The following KIAA2012 variants were observed in gnomAD, a reference collection of about 807,000 sequenced individuals.
KIAA2012 encodes the protein KIAA2012, also known as uncharacterized protein KIAA2012.
A neutral mutation model predicts 150.6 loss-of-function variants in KIAA2012; 125 were observed. That is an observed-to-expected ratio of 0.83 (90% CI 0.72 to 0.96). The LOEUF (loss-of-function observed/expected upper bound fraction) is 0.96. KIAA2012 is among the 40% of genes least tolerant of loss of function. The pLI is 0.00. For synonymous variants in KIAA2012, 462 were observed against 504.7 expected (o/e 0.92, Z 1.13); for missense variants, 1,219 against 1,354.9 (o/e 0.90, Z 1.57).
chr2:202,078,155 CA>C (rs1167970348), intron 2 of KIAA2012, among the ~76,000 whole-genome samples: 2 of 152,136 alleles, frequency 1.3e-5, no homozygotes, highest in Non-Finnish European at 2.9e-5. Flanking sequence ...TATTACTAGG[CA>C]AAACACTGAA....
intron 4 of KIAA2012, among the ~76,000 whole-genome samples, chr2:202,096,784 A>G (rs1689894340): frequency 6.6e-6 from 1 of 152,178 alleles, no homozygotes; most frequent in Admixed American, 6.5e-5. Flanking sequence ...CAATAAATCT[A>G]CCTTGAGAAA....
chr2:202,162,601 T>A (rs1366274846), intron 14 of KIAA2012, among the ~76,000 whole-genome samples: 1 of 149,800 alleles, frequency 6.7e-6, no homozygotes, highest in Admixed American at 6.7e-5. Flanking sequence ...TTTTTTTTTT[T>A]ACTTACTACA....
intron 11 of KIAA2012, 51 bp from the exon 12 acceptor site, chr2:202,125,163 T>G: frequency 2.1e-6 from 3 of 1,441,614 alleles, no homozygotes; most frequent in Non-Finnish European, 2.9e-6. Flanking sequence ...GGGAATAAAT[T>G]TTTACAAGAC....
chr2:202,151,037 G>A (rs1203698935), intron 13 of KIAA2012, among the ~76,000 whole-genome samples: 2 of 152,148 alleles, frequency 1.3e-5, no homozygotes, highest in Non-Finnish European at 1.5e-5. Flanking sequence ...GAAGACTGGG[G>A]CAGACAGGCC....
intron 14 of KIAA2012, among the ~76,000 whole-genome samples, chr2:202,157,693 CAGTT>C (rs901228372): frequency 5.5e-4 from 83 of 152,180 alleles, no homozygotes; most frequent in Non-Finnish European, 1.3e-4. Context: ...GAATGTCACA[CAGTT>C]GGTAAATGGC....
rs1202818706 is a variant in KIAA2012 at position 202,133,128 on chromosome 2, A to AT, written c.1832-5303dup. The stretch of plus-strand genomic sequence containing the variant: ...AAAAAAAATATATATATATATATAT[A>AT]TATTTTTTTTTTTTCTGGAGAATGG... On this transcript the variant is annotated intron_variant, in intron 12 of 23. Coordinates refer to ENST00000498697, the MANE Select transcript of KIAA2012 (RefSeq NM_001277372.4). Among the ~76,000 whole-genome samples the AT allele has an allele frequency of 3.0e-3, 228 of 76,684 alleles. 10 individuals carry two copies. The highest frequency in any genetic ancestry group is 0.013 in the Middle Eastern group (2 of 156). The allele number at this position is 76,684 out of a possible 152,430, so 50.3% of individuals were successfully genotyped here.
intron 22 of KIAA2012, among the ~76,000 whole-genome samples, chr2:202,198,483 G>T (rs1253911254): frequency 6.6e-6 from 1 of 152,160 alleles, no homozygotes; most frequent in Admixed American, 6.5e-5. Flanking sequence ...CTAACATGAG[G>T]GCCTTGTTAG....
chr2:202,084,782 A>G (rs1395449015), intron 2 of KIAA2012, among the ~76,000 whole-genome samples: 1 of 152,216 alleles, frequency 6.6e-6, no homozygotes, highest in African/African-American at 2.4e-5. Context: ...AATTTTTAAC[A>G]TGTTTTCTAT....
chr2:202,147,565 G>A (rs191130042), intron 13 of KIAA2012, among the ~76,000 whole-genome samples: 24 of 152,312 alleles, frequency 1.6e-4, no homozygotes, highest in East Asian at 7.7e-4. Flanking sequence ...CTGCTGTCAC[G>A]CATGACCAGG....
At chr2:202,169,339 A>ATGT (rs150943605) in intron 15 of KIAA2012, among the ~76,000 whole-genome samples, 73 of 152,334 alleles carry the variant, frequency 4.8e-4, no homozygotes, top group Non-Finnish European at 9.6e-4. Context: ...TGCAGGCATG[A>ATGT]TGTTCACTGT....
In KIAA2012 at chr2:202,122,098, G is replaced by A. The variant is rs1690667193; in HGVS notation, c.1763-3116G>A. 2.0e-5 allele frequency among the ~76,000 whole-genome samples: 3 copies of A among 152,240 alleles called. No homozygotes were observed. In the South Asian group the frequency reaches 6.2e-4, roughly 32 times the overall value. ...TGTGGAGGGGCTTCATGCTGGGGGT[G>A]AGGAGGAGCTGGGCCTGAAAGGCAG... On this transcript the variant is annotated intron_variant, in intron 11 of 23. Transcript: ENST00000498697.
At chr2:202,185,825 TA>T (rs919270061) in intron 16 of KIAA2012, among the ~76,000 whole-genome samples, 1 of 152,134 alleles carries the variant, frequency 6.6e-6, no homozygotes, top group African/African-American at 2.4e-5. Context: ...TTCCAAGCAC[TA>T]AATTCTAAAG....
Position 202,187,064 on chromosome 2 carries a change from T to C in KIAA2012, c.2342T>C (p.Leu781Pro). 6.4e-7 allele frequency: 1 copy of C among 1,550,564 alleles called. No homozygotes were observed. Among genetic ancestry groups the C allele is most frequent in the Non-Finnish European group, 8.7e-7 (1 of 1,146,978 alleles). ...REREGKAEPRLFSQETSANIS... is the reference protein window; with the variant it reads ...REREGKAEPRPFSQETSANIS... ...AGAGAAGGGAAGGCTGAACCAAGAC[T>C]GTTTAGCCAGGAGACATCAGCCAAC... Residue 781 changes from leucine (L) to proline (P), a missense_variant, in exon 17 of 24, where the codon CTG becomes CCG. Leu to Pro is a moderately conservative substitution (Grantham distance 98). Coordinates refer to ENST00000498697, the MANE Select transcript of KIAA2012 (RefSeq NM_001277372.4).
intron 13 of KIAA2012, among the ~76,000 whole-genome samples, chr2:202,147,427 A>G (rs2105948740): frequency 6.6e-6 from 1 of 152,332 alleles, no homozygotes; most frequent in South Asian, 2.1e-4. Context: ...GGCCCACAGC[A>G]CAGGGCTGCA....
rs13011018 is a variant in KIAA2012, at chr2:202,140,602, G to A, written c.1908+2094G>A. 3.3e-5 allele frequency among the ~76,000 whole-genome samples: 5 copies of A among 152,290 alleles called. No individual in the cohort carries two copies. In the South Asian group the frequency reaches 6.2e-4, roughly 19 times the overall value. On this transcript the variant is annotated intron_variant, in intron 13 of 23. Transcript: ENST00000498697. ...CCTCCTGCACCCCCGCTTACTTCTCGAGGCTAATGGCCTCTTATTAGATTA... is the reference window on the plus strand; with the variant it reads ...CCTCCTGCACCCCCGCTTACTTCTCAAGGCTAATGGCCTCTTATTAGATTA...
intron 12 of KIAA2012, among the ~76,000 whole-genome samples, chr2:202,128,734 G>A (rs1178964702): frequency 2.8e-5 from 4 of 144,282 alleles, no homozygotes; most frequent in Non-Finnish European, 6.0e-5. Flanking sequence ...TTTTTTTCAG[G>A]TTGACTTGGA....
intron 17 of KIAA2012, among the ~76,000 whole-genome samples, chr2:202,187,299 C>T (rs1692248159): frequency 6.6e-6 from 1 of 152,002 alleles, no homozygotes; most frequent in Admixed American, 6.6e-5. Flanking sequence ...GATGGAACAT[C>T]ATTTCTAATT....
chr2:202,094,998 G>A (rs1689829341), intron 4 of KIAA2012, among the ~76,000 whole-genome samples: 1 of 152,104 alleles, frequency 6.6e-6, no homozygotes, highest in Non-Finnish European at 1.5e-5. Context: ...GCCACTCTGG[G>A]CCTTGGTTTT....
intron 18 of KIAA2012, 46 bp downstream of exon 18, chr2:202,188,312 T>C: frequency 6.8e-7 from 1 of 1,473,034 alleles, no homozygotes; most frequent in Non-Finnish European, 9.2e-7. Context: ...AGACTTCTGT[T>C]AGGGGTCGGG....
Sources: gnomAD v4.1 joint callset for allele counts (sites outside exome capture counted in the v4.1 genomes callset) on GRCh38, gnomAD v4.1.1 for gene constraint, MANE v1.5 for transcripts, NCBI Gene and HGNC (gene_info 2026-07-23, HGNC 2026-07-21) for gene names.